Variants in ITGB3BP observed in about 807,000 individuals in gnomAD.
ITGB3BP encodes integrin subunit beta 3 binding protein, also known as centromere protein R.
A neutral mutation model predicts 29.1 loss-of-function variants in ITGB3BP; 27 were observed. The ratio of observed to expected loss-of-function variants is 0.93; its 90% CI spans 0.68 to 1.28. The LOEUF (loss-of-function observed/expected upper bound fraction) is 1.28, where lower values mean the gene tolerates loss of function less well. Ranked by LOEUF, ITGB3BP falls within the 50% of genes most tolerant of loss-of-function variation. ITGB3BP has a pLI of 0.00. For missense variants in ITGB3BP, 192 were observed against 200.2 expected, an observed-to-expected ratio of 0.96 and a Z score of 0.25; for synonymous variants, 61 against 61.4, an observed-to-expected ratio of 0.99 and a Z score of 0.03.
At chr1:63,483,840 G>A (rs1216651384) in intron 3 of ITGB3BP, among the ~76,000 whole-genome samples, 7 of 152,104 alleles carry the variant, frequency 4.6e-5, no homozygotes, top group African/African-American at 1.7e-4. Flanking sequence ...ATGGTATTCA[G>A]TAGTCCACTG....
rs1384621611 is a variant in ITGB3BP, at chr1:63,516,343, G to A, written c.5+6786C>T. Among the ~76,000 whole-genome samples, 40 of 71,366 alleles carry A rather than the reference G, an allele frequency of 5.6e-4. 1 individual carries two copies. The Middle Eastern group carries it at 0.017, about 30-fold the overall frequency. The allele number at this position is 71,366 out of a possible 152,430, so 46.8% of individuals were successfully genotyped here. A position where few individuals can be genotyped will look rare whatever the true frequency, so the allele number is the denominator to read the frequency against. The stretch of plus-strand genomic sequence containing the variant: ...GAGGAGAGGGGAGGGGAAGGGAAGC[G>A]GAGCGGGGGAAGGTGGGGGAGAAGG... On this transcript the variant is annotated intron_variant, in intron 1 of 8. Transcript: ENST00000271002.
chr1:63,468,428 T>C (rs1645136854), intron 4 of ITGB3BP, among the ~76,000 whole-genome samples: 1 of 152,074 alleles, frequency 6.6e-6, no homozygotes, highest in South Asian at 2.1e-4. Context: ...TCTAGTACAA[T>C]GATTAAAAGA....
intron 4 of ITGB3BP, among the ~76,000 whole-genome samples, chr1:63,468,494 G>A (rs909420368): frequency 1.3e-5 from 2 of 152,192 alleles, no homozygotes; most frequent in Non-Finnish European, 2.9e-5. Context: ...TTGGGAGGCC[G>A]AGGCAGGCAG....
At chr1:63,505,226 T>C (rs1025756777) in intron 2 of ITGB3BP, among the ~76,000 whole-genome samples, 1 of 152,214 alleles carries the variant, frequency 6.6e-6, no homozygotes, top group Non-Finnish European at 1.5e-5. Flanking sequence ...AAATTCTTCC[T>C]GGTTTAGTCT....
chr1:63,520,747 G>T (rs1413548004), intron 1 of ITGB3BP, among the ~76,000 whole-genome samples: 8 of 151,998 alleles, frequency 5.3e-5, no homozygotes, highest in Non-Finnish European at 1.2e-4. Context: ...ATATGACTGG[G>T]TATACATGCA....
At chr1:63,464,077 TTAACAC>T (rs1292451272) in intron 4 of ITGB3BP, among the ~76,000 whole-genome samples, 1 of 151,094 alleles carries the variant, frequency 6.6e-6, no homozygotes, top group Non-Finnish European at 1.5e-5. Flanking sequence ...GAGGGAGGGA[TTAACAC>T]TACTCTGAGT....
At chr1:63,476,186 C>CA (rs562994933) in intron 4 of ITGB3BP, among the ~76,000 whole-genome samples, 29 of 150,608 alleles carry the variant, frequency 1.9e-4, no homozygotes, top group African/African-American at 6.8e-4. Flanking sequence ...TTTTTTGAGA[C>CA]AGAGTCTTGC....
intron 3 of ITGB3BP, among the ~76,000 whole-genome samples, chr1:63,488,759 G>C (rs1645582707): frequency 1.3e-5 from 2 of 152,008 alleles, no homozygotes; most frequent in African/African-American, 2.4e-5. Flanking sequence ...TGAATAACTA[G>C]AGTGAATCAG....
intron 3 of ITGB3BP, among the ~76,000 whole-genome samples, chr1:63,480,471 GC>G (rs1216019620): frequency 1.3e-5 from 2 of 151,970 alleles, no homozygotes; most frequent in African/African-American, 2.4e-5. Context: ...AAATATACTG[GC>G]TTTTGATGTT....
intron 2 of ITGB3BP, among the ~76,000 whole-genome samples, chr1:63,500,784 T>C (rs1038089807): frequency 6.6e-6 from 1 of 152,008 alleles, no homozygotes; most frequent in African/African-American, 2.4e-5. Context: ...GACTAACTGA[T>C]CCCAAAATTC....
At chr1:63,451,914 A>G (rs1309582142) in intron 7 of ITGB3BP, 1 of 152,110 alleles carries the variant, frequency 6.6e-6, no homozygotes, top group African/African-American at 2.4e-5. Flanking sequence ...ACTTATATAG[A>G]TACTATGTAT....
chr1:63,447,024 T>C, intron 7 of ITGB3BP, 168 bp from the exon 8 acceptor site: 1 of 583,252 alleles, frequency 1.7e-6, no homozygotes, highest in South Asian at 2.4e-5. Context: ...CAACATGCTA[T>C]AGTTAGCCTG....
intron 2 of ITGB3BP, among the ~76,000 whole-genome samples, chr1:63,528,876 T>C (rs1646644232): frequency 6.6e-6 from 1 of 152,150 alleles, no homozygotes; most frequent in African/African-American, 2.4e-5. Context: ...TTGAACATTG[T>C]TTCCTTTATT....
At chr1:63,467,939 G>C (rs1253933221) in intron 4 of ITGB3BP, among the ~76,000 whole-genome samples, 1 of 152,126 alleles carries the variant, frequency 6.6e-6, no homozygotes, top group African/African-American at 2.4e-5. Flanking sequence ...ACAAAAAGGG[G>C]GCACTTATTG....
chr1:63,445,447 A>G (rs902790740), intron 8 of ITGB3BP, among the ~76,000 whole-genome samples: 1 of 152,340 alleles, frequency 6.6e-6, no homozygotes, highest in South Asian at 2.1e-4. Context: ...ATGCTTTGCA[A>G]ATATTAAGAC....
At chr1:63,506,886 T>C (rs1646092698) in intron 2 of ITGB3BP, among the ~76,000 whole-genome samples, 1 of 152,216 alleles carries the variant, frequency 6.6e-6, no homozygotes, top group Admixed American at 6.5e-5. Flanking sequence ...GTATATATTT[T>C]GAATGTCCAA....
chr1:63,523,290 C>A (rs574644968), upstream of ITGB3BP: 44 of 925,974 alleles, frequency 4.8e-5, no homozygotes, highest in Non-Finnish European at 7.3e-5. Flanking sequence ...CTCCCCGCGA[C>A]GAAGGATCCG....
intron 2 of ITGB3BP, among the ~76,000 whole-genome samples, chr1:63,504,173 T>C (rs1297133480): frequency 6.6e-6 from 1 of 151,930 alleles, no homozygotes; most frequent in Non-Finnish European, 1.5e-5. Context: ...TTTCTTTGTA[T>C]CCTCTTTTAT....
At chr1:63,483,464 AT>A in intron 3 of ITGB3BP, among the ~76,000 whole-genome samples, 1 of 152,284 alleles carries the variant, frequency 6.6e-6, no homozygotes, top group East Asian at 1.9e-4. Context: ...TTGAAAAAAA[AT>A]CAGTCTTGCC....
Sources: gnomAD v4.1 joint callset for allele counts (sites outside exome capture counted in the v4.1 genomes callset) on GRCh38, gnomAD v4.1.1 for gene constraint, MANE v1.5 for transcripts, NCBI Gene and HGNC (gene_info 2026-07-23, HGNC 2026-07-21) for gene names.